The following DCAF4 variants were observed in gnomAD, a reference collection of about 807,000 sequenced individuals.
DCAF4 encodes DDB1 and CUL4 associated factor 4.
Under a neutral mutation model 60.9 loss-of-function variants are expected in DCAF4, and 37 were observed. The ratio of observed to expected loss-of-function variants is 0.61; its 90% CI spans 0.47 to 0.80. DCAF4 has a LOEUF of 0.80. DCAF4 is among the 30% of genes least tolerant of loss of function. The pLI, the probability that DCAF4 is intolerant of heterozygous loss-of-function variation, is 0.00. For synonymous variants in DCAF4, 243 were observed against 254.8 expected (o/e 0.95, Z 0.44); for missense variants, 577 against 650.0 (o/e 0.89, Z 1.22).
chr14:72,942,315 G>C (rs1890142390), intron 5 of DCAF4: 6 of 156,490 alleles, frequency 3.8e-5, no homozygotes, highest in Admixed American at 3.1e-4. Flanking sequence ...GAGGCTCAGA[G>C]TGGAGTGATT....
chr14:72,937,586 A>G (rs1319114273), intron 1 of DCAF4, among the ~76,000 whole-genome samples: 1 of 151,746 alleles, frequency 6.6e-6, no homozygotes, highest in Non-Finnish European at 1.5e-5. Context: ...ACTCCCGGCT[A>G]ATTTTTGTAT....
chr14:72,947,114 T>C lies in DCAF4; in HGVS notation c.679-28T>C, dbSNP rs764619408. 18 of 1,614,034 alleles carry C rather than the reference T, an allele frequency of 1.1e-5. No individual in the cohort carries two copies. In the East Asian group the frequency reaches 3.8e-4, roughly 34 times the overall value. ...AAAGCATATTACTGTAGAATAACTT[T>C]CCATCTCGCTGTGTGCTTCCTCACC... On this transcript the variant is annotated intron_variant, in intron 7 of 13. Transcript: ENST00000358377.
In DCAF4 at chr14:72,945,868, C is replaced by G; in HGVS notation, c.535-16C>G. 6.2e-7 allele frequency: 1 copy of G among 1,614,052 alleles called. No homozygotes were observed. The highest frequency in any genetic ancestry group is 8.5e-7 in the Non-Finnish European group (1 of 1,180,016). ...GCAGCCTGGGACGTCACCCACTGCC[C>G]CCTTCCCTTCTCCAGGCAGATACCA... On this transcript the variant is annotated splice_polypyrimidine_tract_variant and intron_variant, in intron 6 of 13. Transcript: ENST00000358377.
intron 12 of DCAF4, among the ~76,000 whole-genome samples, chr14:72,955,962 G>A (rs571501556): frequency 4.4e-5 from 5 of 113,058 alleles, no homozygotes; most frequent in South Asian, 3.1e-4. Context: ...TTGCTCTGTC[G>A]CCCGGGCTGG....
At chr14:72,954,044 G>A (rs1891938994) in intron 9 of DCAF4, 120 bp from the exon 10 acceptor site, 1 of 1,043,294 alleles carries the variant, frequency 9.6e-7, no homozygotes. Flanking sequence ...AACCCAGAAT[G>A]GGGCCAAAGG....
Position 72,954,502 on chromosome 14 carries a change from G to A in DCAF4, c.1005+19G>A, listed in dbSNP as rs922440665. The stretch of plus-strand genomic sequence containing the variant: ...TCTCATGGTTGGTTGGATTGGGACA[G>A]GCAGAATATAAAAGTTTGCCCCATG... On this transcript the variant is annotated intron_variant, in intron 11 of 13. Coordinates refer to ENST00000358377, the MANE Select transcript of DCAF4 (RefSeq NM_015604.4). The A allele has an allele frequency of 6.2e-7, 1 of 1,613,018 alleles. No homozygotes were observed. The highest frequency in any genetic ancestry group is 8.5e-7 in the Non-Finnish European group (1 of 1,179,138).
At chr14:72,946,127 T>C in intron 7 of DCAF4, 100 bp downstream of exon 7, 1 of 1,415,140 alleles carries the variant, frequency 7.1e-7, no homozygotes, top group Non-Finnish European at 9.6e-7. Context: ...GGGCAGAGCA[T>C]ACTTACCTCA....
chr14:72,926,596 G>C (rs1033454659), intron 1 of DCAF4, 53 bp downstream of exon 1: 15 of 152,192 alleles, frequency 9.9e-5, no homozygotes, highest in African/African-American at 2.9e-4. Flanking sequence ...GGGCTGCCGC[G>C]CTCCCGCTGC....
chr14:72,941,908 G>C (rs79480529), intron 5 of DCAF4, 84 bp downstream of exon 5: 83,500 of 1,450,918 alleles, frequency 0.058, 2,997 homozygotes, highest in East Asian at 0.17. Context: ...ATCCAGTCTG[G>C]ATAGACCATG....
Position 72,940,270 on chromosome 14 carries a change from C to T in DCAF4, c.244C>T (p.Leu82Phe). The change falls in exon 4 of 14, where the codon CTC (leucine) becomes TTC (phenylalanine). Residue 82 changes from leucine (L) to phenylalanine (F), a missense_variant. Physicochemically the swap from Leu to Phe is conservative, Grantham distance 22 (BLOSUM62 0). Coordinates refer to ENST00000358377, the MANE Select transcript of DCAF4 (RefSeq NM_015604.4). ...DPEKKRYFRLLPGHNNCNPLT... is the reference protein window; with the variant it reads ...DPEKKRYFRLFPGHNNCNPLT... The stretch of plus-strand genomic sequence containing the variant: ...TGAAAAGAAACGCTACTTCCGCTTG[C>T]TCCCTGGACATAACAACTGCAACCC... 1 of 1,614,200 alleles carries T rather than the reference C, an allele frequency of 6.2e-7. No homozygotes were observed. Among genetic ancestry groups the T allele is most frequent in the Non-Finnish European group, 8.5e-7 (1 of 1,180,042 alleles).
chr14:72,946,458 G>A (rs573579997), intron 7 of DCAF4, among the ~76,000 whole-genome samples: 2 of 152,250 alleles, frequency 1.3e-5, no homozygotes, highest in East Asian at 3.9e-4. Context: ...AAGGACTCCA[G>A]GAGTTTCTTG....
chr14:72,931,464 T>C (rs1478858298), intron 1 of DCAF4, among the ~76,000 whole-genome samples: 1 of 152,118 alleles, frequency 6.6e-6, no homozygotes, highest in Non-Finnish European at 1.5e-5. Flanking sequence ...GTCCAGTAGA[T>C]TTTTGGTGGA....
chr14:72,953,253 G>A (rs57097782), intron 9 of DCAF4, among the ~76,000 whole-genome samples: 12,903 of 151,696 alleles, frequency 0.085, 626 homozygotes, highest in East Asian at 0.19. Context: ...ACCCGCTTCG[G>A]CCTCCTAAAG....
intron 1 of DCAF4, among the ~76,000 whole-genome samples, chr14:72,927,170 G>A (rs1076458): frequency 0.36 from 54,734 of 151,966 alleles, 10,127 homozygotes; most frequent in South Asian, 0.47. Context: ...CTCCCCGGGG[G>A]CTTCAGAAAC....
At chr14:72,935,517 A>T (rs1889149279) in intron 1 of DCAF4, among the ~76,000 whole-genome samples, 1 of 152,228 alleles carries the variant, frequency 6.6e-6, no homozygotes, top group African/African-American at 2.4e-5. Context: ...GGCCTCCCAA[A>T]GTGTTGGGAT....
intron 8 of DCAF4, among the ~76,000 whole-genome samples, chr14:72,947,817 GTC>G (rs1173420643): frequency 6.6e-6 from 1 of 152,186 alleles, no homozygotes; most frequent in Non-Finnish European, 1.5e-5. Context: ...CATCACACTA[GTC>G]TCTGCCTTCC....
intron 13 of DCAF4, 59 bp from the exon 14 acceptor site, chr14:72,958,553 A>C: frequency 6.3e-7 from 1 of 1,593,948 alleles, no homozygotes; most frequent in Non-Finnish European, 8.6e-7. Flanking sequence ...GTCCACATGT[A>C]GGTAAGTTTT....
rs1567324797 is a variant in DCAF4, at chr14:72,953,729, A to AT, written c.809-435_809-434insT. On this transcript the variant is annotated intron_variant, in intron 9 of 13. Transcript: ENST00000358377. ...TGTCTTAAAAAAAAAAAAAAAAAAA[A>AT]AAAATATATATATATATATATATAT... 3.5e-3 allele frequency among the ~76,000 whole-genome samples: 144 copies of AT among 40,762 alleles called. 14 individuals carry two copies. The highest frequency in any genetic ancestry group is 6.9e-3 in the East Asian group (14 of 2,024). 26.7% of individuals were successfully genotyped at this position (40,762 alleles called of 152,430 possible). A position where few individuals can be genotyped will look rare whatever the true frequency, so the allele number is the denominator to read the frequency against.
chr14:72,934,943 A>C (rs12435700), intron 1 of DCAF4: 29,150 of 152,180 alleles, frequency 0.19, 3,612 homozygotes, highest in East Asian at 0.43. Context: ...GCTTCAGTTC[A>C]GCAAAAATTT....
Sources: gnomAD v4.1 joint callset for allele counts (sites outside exome capture counted in the v4.1 genomes callset) on GRCh38, gnomAD v4.1.1 for gene constraint, MANE v1.5 for transcripts, NCBI Gene and HGNC (gene_info 2026-07-23, HGNC 2026-07-21) for gene names.